SLC12A9: variants seen among roughly 807,000 people sequenced by gnomAD.
SLC12A9 encodes solute carrier family 12 member 9, also known as CCC-interacting protein 1.
A neutral mutation model predicts 66.0 loss-of-function variants in SLC12A9; 55 were observed. That is an observed-to-expected ratio of 0.83 (90% CI 0.67 to 1.04). The LOEUF is 1.04. Ranked by LOEUF, SLC12A9 falls within the 50% of genes least tolerant of loss-of-function variation. The pLI, the probability that SLC12A9 is intolerant of heterozygous loss-of-function variation, is 0.00. For synonymous variants in SLC12A9, 577 were observed against 569.0 expected, an observed-to-expected ratio of 1.01 and a Z score of -0.20; for missense variants, 1,061 against 1,241.9, an observed-to-expected ratio of 0.85 and a Z score of 2.19.
At chr7:100,862,468 A>C (rs967230029) in intron 12 of SLC12A9, among the ~76,000 whole-genome samples, 1 of 151,988 alleles carries the variant, frequency 6.6e-6, no homozygotes, top group South Asian at 2.1e-4. Flanking sequence ...GGCTGTCTGG[A>C]ACTCCTGGCT....
chr7:100,832,184 G>A (rs919969010), intron 1 of SLC12A9, among the ~76,000 whole-genome samples: 5 of 151,964 alleles, frequency 3.3e-5, no homozygotes, highest in African/African-American at 4.8e-5. Flanking sequence ...TGGCAACAGA[G>A]CGAGACTCCG....
rs1460280790 is a variant in SLC12A9 at position 100,855,844 on chromosome 7, G to T, written c.448+7G>T. On this transcript the variant is annotated splice_region_variant and intron_variant, in intron 4 of 13. Coordinates refer to ENST00000354161, the MANE Select transcript of SLC12A9 (RefSeq NM_020246.4). The stretch of plus-strand genomic sequence containing the variant: ...CTTGATGTCTTCGGGGCCGGTCTGT[G>T]CTCTGTCCGATCTGGGCAGTGCTGC... The T allele has an allele frequency of 6.3e-7, 1 of 1,598,458 alleles. No homozygotes were observed. Among genetic ancestry groups the T allele is most frequent in the Admixed American group, 1.7e-5 (1 of 58,644 alleles).
chr7:100,862,773 C>G lies in SLC12A9; in HGVS notation c.1804C>G (p.Leu602Val). The change falls in exon 13 of 14, where the codon CTC (leucine) becomes GTC (valine). Residue 602 changes from leucine to valine, a missense_variant. By Grantham distance (32) the Leu-to-Val change is conservative. Transcript: ENST00000354161. Reference protein sequence around the residue: ...AQVKAFVDLTLSPSVRQGAQH... With the variant: ...AQVKAFVDLTVSPSVRQGAQH... ...GGTGAAGGCTTTTGTGGATCTAACC[C>G]TCTCACCCTCCGTGCGCCAGGGGGC... The G allele has an allele frequency of 1.2e-6, 2 of 1,614,198 alleles. No individual in the cohort carries two copies. Among genetic ancestry groups the G allele is most frequent in the East Asian group, 2.2e-5 (1 of 44,878 alleles).
upstream of SLC12A9, among the ~76,000 whole-genome samples, chr7:100,850,030 G>A (rs552844240): frequency 3.0e-4 from 46 of 152,042 alleles, no homozygotes; most frequent in East Asian, 4.3e-3. Flanking sequence ...CTGCCACCAC[G>A]CCCGGCTAAT....
chr7:100,861,886 G>A lies in SLC12A9; in HGVS notation c.1686G>A (p.Leu562=). ...TTAAGAAGGGGGGGCTGTATGTGCTGGGCCACGTCACCCTGGGAGACCTCG... is the reference window on the plus strand; with the variant it reads ...TTAAGAAGGGGGGGCTGTATGTGCTAGGCCACGTCACCCTGGGAGACCTCG... ...NQLKKGGLYV[L]GHVTLGDLDS... Residue 562 remains leucine, a synonymous_variant, in exon 12 of 14, where the codon CTG becomes CTA. Coordinates refer to ENST00000354161, the MANE Select transcript of SLC12A9 (RefSeq NM_020246.4). This position sits in a 1 kb window ranked among gnomAD's most constrained non-coding sequence, Gnocchi z 5.3. The A allele has an allele frequency of 1.2e-6, 2 of 1,610,650 alleles. No individual in the cohort carries two copies. The highest frequency in any genetic ancestry group is 1.7e-6 in the Non-Finnish European group (2 of 1,178,024).
intron 1 of SLC12A9, among the ~76,000 whole-genome samples, chr7:100,840,113 T>C: frequency 6.6e-6 from 1 of 152,262 alleles, no homozygotes; most frequent in Admixed American, 6.5e-5. Flanking sequence ...CTAGATACTC[T>C]GATTTTAGTT....
At position 100,857,086 on chromosome 7, in the gene SLC12A9, C is replaced by T. The variant is rs756370764; in HGVS notation, c.667C>T (p.Pro223Ser). 4.3e-6 allele frequency: 7 copies of T among 1,614,218 alleles called. No homozygotes were observed. The highest frequency in any genetic ancestry group is 3.3e-5 in the Admixed American group (2 of 60,026). The change falls in exon 5 of 14, where the codon CCT becomes TCT. Residue 223 changes from proline to serine, a missense_variant. By Grantham distance (74) the Pro-to-Ser change is moderately conservative (BLOSUM62 -1). Transcript: ENST00000354161. Reference protein sequence around the residue: ...AVGPRDIRLTPRPGPNGSSLP... With the variant: ...AVGPRDIRLTSRPGPNGSSLP... The stretch of plus-strand genomic sequence containing the variant: ...GGGGCCGAGGGACATCCGCTTGACT[C>T]CTAGGCCTGGCCCCAATGGCTCCTC...
chr7:100,861,867 A>T lies in SLC12A9; in HGVS notation c.1667A>T (p.Lys556Met). Reference protein sequence around the residue: ...PLLRLANQLKKGGLYVLGHVT... With the variant: ...PLLRLANQLKMGGLYVLGHVT... ...CTGCGGTTGGCCAACCAGCTTAAGA[A>T]GGGGGGGCTGTATGTGCTGGGCCAC... Residue 556 changes from lysine (K) to methionine (M), a missense_variant, in exon 12 of 14, where the codon AAG (lysine) becomes ATG (methionine). By Grantham distance (95) the Lys-to-Met change is moderately conservative. Coordinates refer to ENST00000354161, the MANE Select transcript of SLC12A9 (RefSeq NM_020246.4). This position sits in a 1 kb window ranked among gnomAD's most constrained non-coding sequence, Gnocchi z 5.3. The T allele has an allele frequency of 6.2e-7, 1 of 1,613,132 alleles. No homozygotes were observed. Among genetic ancestry groups the T allele is most frequent in the Non-Finnish European group, 8.5e-7 (1 of 1,179,722 alleles).
At chr7:100,846,750 G>C (rs1265687520) in intron 1 of SLC12A9, among the ~76,000 whole-genome samples, 1 of 152,104 alleles carries the variant, frequency 6.6e-6, no homozygotes, top group African/African-American at 2.4e-5. Flanking sequence ...CCCTCATATT[G>C]TCTTATGCCC....
intron 1 of SLC12A9, among the ~76,000 whole-genome samples, chr7:100,835,062 A>C (rs1813622546): frequency 6.6e-6 from 1 of 151,726 alleles, no homozygotes; most frequent in African/African-American, 2.4e-5. Flanking sequence ...AAACAAACAA[A>C]AGAGTGTGAT....
intron 12 of SLC12A9, among the ~76,000 whole-genome samples, chr7:100,862,317 G>A (rs1584706838): frequency 2.0e-5 from 3 of 152,154 alleles, no homozygotes; most frequent in Middle Eastern, 3.4e-3. Context: ...GGAGAGCAGT[G>A]GTGCCATCAT....
chr7:100,829,496 G>C (rs1372133045), intron 1 of SLC12A9, among the ~76,000 whole-genome samples: 1 of 151,972 alleles, frequency 6.6e-6, no homozygotes, highest in Non-Finnish European at 1.5e-5. Context: ...TGTTCTGCCT[G>C]GGTCCTGCGC....
Position 100,866,414 on chromosome 7 carries a change from G to A in SLC12A9, c.2554G>A (p.Gly852Arg). The change falls in exon 14 of 14, where the codon GGG (glycine) becomes AGG (arginine). Residue 852 changes from glycine (G) to arginine (R), a missense_variant. By Grantham distance (125) the Gly-to-Arg change is moderately radical (BLOSUM62 -2). Transcript: ENST00000354161. The surrounding 1 kb of genome is among the most constrained non-coding windows in gnomAD (Gnocchi z 7.3). ...RAQQGRGTGG[G>R]PGGPEGGDAE... ...CCAGCAGGGGCGCGGCACAGGAGGAGGGCCGGGTGGGCCGGAGGGTGGGGA... is the reference window on the plus strand; with the variant it reads ...CCAGCAGGGGCGCGGCACAGGAGGAAGGCCGGGTGGGCCGGAGGGTGGGGA... 6.5e-7 allele frequency: 1 copy of A among 1,543,702 alleles called. No homozygotes were observed. Among genetic ancestry groups the A allele is most frequent in the Non-Finnish European group, 8.7e-7 (1 of 1,143,430 alleles).
In SLC12A9 at chr7:100,866,272, C is replaced by T. The variant is rs1452192258; in HGVS notation, c.2412C>T (p.Gly804=). 38 of 1,502,856 alleles carry T rather than the reference C, an allele frequency of 2.5e-5. No individual in the cohort carries two copies. The highest frequency in any genetic ancestry group is 7.5e-5 in the East Asian group (3 of 39,996). The allele number at this position is 1,502,856 out of a possible 1,614,324, so 93.1% of individuals were successfully genotyped here. The change falls in exon 14 of 14, where the codon GGC becomes GGT. Residue 804 remains glycine, a synonymous_variant. Transcript: ENST00000354161. The surrounding 1 kb of genome is among the most constrained non-coding windows in gnomAD (Gnocchi z 7.3). ...IRAEVQEVVW[G]EGAGAGEPEA... is the part of the protein sequence containing the mutation. ...CTGAGGTGCAGGAGGTGGTGTGGGGCGAGGGGGCCGGGGCTGGGGAACCCG... is the reference window on the plus strand; with the variant it reads ...CTGAGGTGCAGGAGGTGGTGTGGGGTGAGGGGGCCGGGGCTGGGGAACCCG...
At position 100,861,011 on chromosome 7, in the gene SLC12A9, G is replaced by C. The variant is rs1265164274; in HGVS notation, c.1219-127G>C. The C allele has an allele frequency of 6.5e-7, 1 of 1,533,430 alleles. No homozygotes were observed. The highest frequency in any genetic ancestry group is 8.9e-7 in the Non-Finnish European group (1 of 1,117,324). 95.0% of individuals were successfully genotyped at this position (1,533,430 alleles called of 1,614,324 possible). On this transcript the variant is annotated intron_variant, in intron 9 of 13. Coordinates refer to ENST00000354161, the MANE Select transcript of SLC12A9 (RefSeq NM_020246.4). This position sits in a 1 kb window ranked among gnomAD's most constrained non-coding sequence, Gnocchi z 5.3. ...TTTGGGGGTGCACTGGCACTTTGCAGGGTTCACTGGCACTTTCTGGGGCTC... is the reference window on the plus strand; with the variant it reads ...TTTGGGGGTGCACTGGCACTTTGCACGGTTCACTGGCACTTTCTGGGGCTC...
In SLC12A9 at chr7:100,827,166, C is replaced by T. The variant is rs534053763; in HGVS notation, n.228+119C>T. 3.8e-5 allele frequency: 34 copies of T among 894,028 alleles called. No homozygotes were observed. The South Asian group carries it at 9.0e-4, about 24-fold the overall frequency. 55.4% of individuals were successfully genotyped at this position (894,028 alleles called of 1,614,324 possible). ...TCGGGGCCCTCAGCGCGGGCCCATG[C>T]GAGCGTGCGGGGCACCGGGCGGCGG... On this transcript the variant is annotated intron_variant and non_coding_transcript_variant, in intron 1 of 1. Coordinates refer to the SLC12A9 transcript ENST00000461016.
intron 1 of SLC12A9, among the ~76,000 whole-genome samples, chr7:100,833,932 CAAAAAAAA>C (rs60667059): frequency 1.4e-3 from 91 of 63,058 alleles, no homozygotes; most frequent in African/African-American, 7.3e-3. Flanking sequence ...GACTCTGTCT[CAAAAAAAA>C]AAAAAAAAAA....
Position 100,866,598 on chromosome 7 carries a change from A to G in SLC12A9, c.2738A>G (p.Asp913Gly). The change falls in exon 14 of 14, where the codon GAT becomes GGT. Residue 913 changes from aspartate to glycine, a missense_variant. Coordinates refer to ENST00000354161, the MANE Select transcript of SLC12A9 (RefSeq NM_020246.4). The surrounding 1 kb of genome is among the most constrained non-coding windows in gnomAD (Gnocchi z 7.3). ...GGGGTCACTCCAGTCACCTGCACTG[A>G]TCTGTGATGCCCCTGCCTCCAGGGC... ...VHGVTPVTCT[D>G]L 2 of 1,570,942 alleles carry G rather than the reference A, an allele frequency of 1.3e-6. No homozygotes were observed. Among genetic ancestry groups the G allele is most frequent in the South Asian group, 1.2e-5 (1 of 85,614 alleles).
chr7:100,831,088 C>T (rs535121104), intron 1 of SLC12A9, among the ~76,000 whole-genome samples: 1 of 152,220 alleles, frequency 6.6e-6, no homozygotes, highest in Non-Finnish European at 1.5e-5. Context: ...GTTCCCAGCC[C>T]AGAGCAATAT....
Sources: gnomAD v4.1 joint callset for allele counts (sites outside exome capture counted in the v4.1 genomes callset) on GRCh38, gnomAD v4.1.1 for gene constraint, Gnocchi (gnomAD v3.1) non-coding constraint, MANE v1.5 for transcripts, NCBI Gene and HGNC (gene_info 2026-07-23, HGNC 2026-07-21) for gene names.